Variants in HBS1L observed in about 807,000 individuals in gnomAD.
The protein encoded by HBS1L is HBS1-like protein.
HBS1L carries 55 observed loss-of-function variants against 88.9 expected under a neutral mutation model. That is an observed-to-expected ratio of 0.62 (90% CI 0.50 to 0.77). The LOEUF is 0.77. HBS1L is among the 30% of genes least tolerant of loss of function. HBS1L has a pLI of 0.00. For synonymous variants in HBS1L, 267 were observed against 288.5 expected (o/e 0.93, Z 0.76); for missense variants, 741 against 829.3 (o/e 0.89, Z 1.31).
intron 15 of HBS1L, among the ~76,000 whole-genome samples, chr6:134,976,664 T>C (rs928086863): frequency 6.6e-6 from 1 of 152,012 alleles, no homozygotes; most frequent in African/African-American, 2.4e-5. Context: ...AAAAACCAAA[T>C]AGCATATGTG....
In HBS1L at chr6:135,050,577, T is replaced by C. The variant is rs1288350138; in HGVS notation, c.109+5A>G. On this transcript the variant is annotated splice_donor_5th_base_variant and intron_variant, in intron 2 of 17. Transcript: ENST00000367837. Reference sequence around the variant, plus strand: ...TAAGGAATCAAATTATTTTTAAAAATTCACCTGTTGACGGCGAAATACAAT... The same window carrying C: ...TAAGGAATCAAATTATTTTTAAAAACTCACCTGTTGACGGCGAAATACAAT... The C allele has an allele frequency of 2.6e-5, 41 of 1,573,942 alleles. No homozygotes were observed. Among genetic ancestry groups the C allele is most frequent in the Non-Finnish European group, 3.6e-5 (41 of 1,153,320 alleles).
At chr6:135,037,826 T>A (rs955823552) in intron 4 of HBS1L, 10 of 1,546,978 alleles carry the variant, frequency 6.5e-6, no homozygotes, top group Non-Finnish European at 7.0e-6. Context: ...TCTAGTTTCT[T>A]TTCACTTTTA....
chr6:134,969,217 T>C lies in HBS1L; in HGVS notation c.1898+21A>G, dbSNP rs35571217. The C allele has an allele frequency of 0.36, 531,885 of 1,495,912 alleles. 96,933 individuals are homozygous for C. Among genetic ancestry groups the C allele is most frequent in the Non-Finnish European group, 0.38 (404,868 of 1,073,698 alleles). 92.7% of individuals were successfully genotyped at this position (1,495,912 alleles called of 1,614,324 possible). A position where few individuals can be genotyped will look rare whatever the true frequency, so the allele number is the denominator to read the frequency against. ...ATTGGCTTAAATTGCTTGTTTATCA[T>C]TTCTGTATTAAAACACTCACTTAGG... On this transcript the variant is annotated intron_variant, in intron 16 of 17. Coordinates refer to ENST00000367837, the MANE Select transcript of HBS1L (RefSeq NM_006620.4).
At chr6:134,973,363 G>T (rs1030129406) in intron 15 of HBS1L, among the ~76,000 whole-genome samples, 8 of 152,226 alleles carry the variant, frequency 5.3e-5, no homozygotes, top group African/African-American at 1.7e-4. Context: ...AATATTGTAT[G>T]ATTCCACTTA....
intron 13 of HBS1L, among the ~76,000 whole-genome samples, chr6:134,980,294 G>A (rs1774790888): frequency 6.6e-6 from 1 of 151,994 alleles, no homozygotes; most frequent in Non-Finnish European, 1.5e-5. Context: ...AGACAATCTA[G>A]AGTTTCATGC....
chr6:135,037,401 A>C (rs1319671503), intron 4 of HBS1L: 2 of 1,550,012 alleles, frequency 1.3e-6, no homozygotes, highest in African/African-American at 2.7e-5. Context: ...CACTTTGTTC[A>C]ACTAAAGAAA....
chr6:135,036,627 A>T, intron 4 of HBS1L: 1 of 1,547,290 alleles, frequency 6.5e-7, no homozygotes, highest in East Asian at 2.4e-5. Flanking sequence ...ATTTGAAGTC[A>T]AATGGTGTTA....
chr6:135,052,828 A>G (rs1225077158), intron 1 of HBS1L, among the ~76,000 whole-genome samples: 2 of 152,332 alleles, frequency 1.3e-5, no homozygotes, highest in South Asian at 2.1e-4. Flanking sequence ...GCAGTCATGT[A>G]AAGTATTACA....
intron 4 of HBS1L, among the ~76,000 whole-genome samples, chr6:135,030,779 C>G (rs1040261598): frequency 6.6e-6 from 1 of 151,898 alleles, no homozygotes; most frequent in African/African-American, 2.4e-5. Flanking sequence ...AGTAGTGGGC[C>G]AAAAAATGTA....
intron 7 of HBS1L, among the ~76,000 whole-genome samples, 171 bp downstream of exon 7, chr6:134,996,606 A>C (rs371529926): frequency 2.0e-5 from 3 of 152,352 alleles, no homozygotes; most frequent in East Asian, 3.9e-4. Context: ...GAGTAAAAAC[A>C]GTATGCAGAT....
intron 4 of HBS1L, among the ~76,000 whole-genome samples, chr6:135,003,872 AAATG>A (rs1775535037): frequency 6.6e-6 from 1 of 152,204 alleles, no homozygotes; most frequent in Non-Finnish European, 1.5e-5. Flanking sequence ...CTCCAAAAAT[AAATG>A]AATAAATAAA....
intron 13 of HBS1L, 75 bp downstream of exon 13, chr6:134,982,383 T>TA: frequency 1.2e-6 from 1 of 848,126 alleles, no homozygotes; most frequent in Non-Finnish European, 2.0e-6. Context: ...TTTGGAGTTG[T>TA]AACTAAACCA....
At chr6:134,967,895 G>T (rs1774362280) in intron 16 of HBS1L, among the ~76,000 whole-genome samples, 1 of 152,152 alleles carries the variant, frequency 6.6e-6, no homozygotes, top group African/African-American at 2.4e-5. Context: ...TAGTCATATA[G>T]TTATATCGTG....
At chr6:134,979,813 C>G (rs1031990083) in intron 13 of HBS1L, among the ~76,000 whole-genome samples, 1 of 151,956 alleles carries the variant, frequency 6.6e-6, no homozygotes, top group East Asian at 1.9e-4. Flanking sequence ...CTACTCCTGG[C>G]TCAAAAGAAC....
chr6:134,984,101 A>G (rs1774911472), intron 12 of HBS1L, among the ~76,000 whole-genome samples: 1 of 152,208 alleles, frequency 6.6e-6, no homozygotes, highest in South Asian at 2.1e-4. Context: ...AAGGGGGAAC[A>G]GAAGGTGAGA....
intron 8 of HBS1L, among the ~76,000 whole-genome samples, chr6:134,991,086 T>C (rs897520718): frequency 2.0e-5 from 3 of 147,864 alleles, no homozygotes; most frequent in Non-Finnish European, 4.5e-5. Flanking sequence ...CACACACATA[T>C]ACACATATAA....
chr6:135,039,597 C>A lies in HBS1L; in HGVS notation c.406G>T (p.Val136Leu). 1 of 1,614,084 alleles carries A rather than the reference C, an allele frequency of 6.2e-7. No homozygotes were observed. The highest frequency in any genetic ancestry group is 8.5e-7 in the Non-Finnish European group (1 of 1,179,982). The change falls in exon 4 of 18, where the codon GTA becomes TTA. Residue 136 changes from valine (V) to leucine (L), a missense_variant. By Grantham distance (32) the Val-to-Leu change is conservative. Transcript: ENST00000367837. ...CCTTTTGCTATCTTTCCTGTAGATA[C>A]TGTTGCCTCATTCTTGTCCTTCAAA... ...QSLKDKNEAT[V>L]STGKIAKGKP...
rs1364068294 is a variant in HBS1L, at chr6:135,014,874, AC to A, written c.431-12033del. Among the ~76,000 whole-genome samples, 527 of 133,682 alleles carry A rather than the reference AC, an allele frequency of 3.9e-3. 3 individuals are homozygous for A. The highest frequency in any genetic ancestry group is 0.012 in the African/African-American group (424 of 35,500). The allele number at this position is 133,682 out of a possible 152,430, so 87.7% of individuals were successfully genotyped here. On this transcript the variant is annotated intron_variant, in intron 4 of 17. Coordinates refer to ENST00000367837, the MANE Select transcript of HBS1L (RefSeq NM_006620.4). ...TACAAAAAAAAAAAAAAAAAAAAAA[AC>A]CACAAAAAAATTAGCTGGGCATAGT...
intron 17 of HBS1L, among the ~76,000 whole-genome samples, chr6:134,965,492 CTTATT>C (rs1159346258): frequency 6.6e-6 from 1 of 152,154 alleles, no homozygotes; most frequent in African/African-American, 2.4e-5. Context: ...ATGACTCTAT[CTTATT>C]TTTAGAATGC....
Sources: allele counts gnomAD v4.1 joint callset (sites outside exome capture counted in the v4.1 genomes callset), GRCh38; gene constraint gnomAD v4.1.1; transcripts MANE v1.5; gene names NCBI Gene and HGNC (gene_info 2026-07-23, HGNC 2026-07-21).